FKBP5: variants seen among roughly 807,000 people sequenced by gnomAD.
FKBP5 encodes FKBP prolyl isomerase 5.
Under a neutral mutation model 50.5 loss-of-function variants are expected in FKBP5, and 23 were observed. The ratio of observed to expected loss-of-function variants is 0.46; its 90% confidence interval spans 0.33 to 0.65. FKBP5 has a LOEUF of 0.65. Ranked by LOEUF, FKBP5 falls within the 30% of genes least tolerant of loss-of-function variation. The probability of loss-of-function intolerance (pLI) is 0.02; values close to 1 mark genes in which losing one functional copy is unlikely to be tolerated. For synonymous variants in FKBP5, 176 were observed against 190.6 expected (o/e 0.92, Z 0.63); for missense variants, 411 against 553.1 (o/e 0.74, Z 2.58).
At position 35,606,520 on chromosome 6, in the gene FKBP5, C is replaced by T. The variant is rs71569303; in HGVS notation, c.509-9116G>A. ...AAAATATTTTAAAAAATTAGCCGGG[C>T]GTGGTGGTGGGCGCCTGTAGTCCCA... is the stretch of plus-strand genomic sequence containing the variant. On this transcript the variant is annotated intron_variant, in intron 5 of 10. Coordinates refer to ENST00000357266, the MANE Select transcript of FKBP5 (RefSeq NM_004117.4). Among the ~76,000 whole-genome samples the T allele has an allele frequency of 1.1e-4, 17 of 151,374 alleles. No individual in the cohort carries two copies. The South Asian group carries it at 2.5e-3, about 22-fold the overall frequency.
chr6:35,683,623 G>A lies in FKBP5; in HGVS notation c.-20+5181C>T, dbSNP rs1016102908. ...TGGGACTAAGGGCATGCACTGCCAT[G>A]ACTGGCTAATTTTTTTTTTTTTTTT... is the stretch of plus-strand genomic sequence containing the variant. On this transcript the variant is annotated intron_variant, in intron 1 of 10. Coordinates refer to ENST00000357266, the MANE Select transcript of FKBP5 (RefSeq NM_004117.4). 4.9e-5 allele frequency among the ~76,000 whole-genome samples: 7 copies of A among 144,004 alleles called. No individual in the cohort carries two copies. In the Admixed American group the frequency reaches 4.9e-4, roughly 10 times the overall value. 94.5% of individuals were successfully genotyped at this position (144,004 alleles called of 152,430 possible). A position where few individuals can be genotyped will look rare whatever the true frequency, so the allele number is the denominator to read the frequency against.
At chr6:35,600,932 T>C (rs188807331) in intron 5 of FKBP5, among the ~76,000 whole-genome samples, 209 of 152,294 alleles carry the variant, frequency 1.4e-3, no homozygotes, top group African/African-American at 4.4e-3. Context: ...GGGAAAAAGA[T>C]TGGCTACTAA....
At chr6:35,636,145 C>T (rs1027631216) in intron 3 of FKBP5, among the ~76,000 whole-genome samples, 3 of 152,166 alleles carry the variant, frequency 2.0e-5, no homozygotes, top group Non-Finnish European at 4.4e-5. Context: ...CAAATGTGGA[C>T]ACATTTCATT....
intron 5 of FKBP5, among the ~76,000 whole-genome samples, chr6:35,601,342 T>C (rs16878806): frequency 0.072 from 10,945 of 152,236 alleles, 781 homozygotes; most frequent in African/African-American, 0.19. Context: ...TACAGCCCAT[T>C]GATTCTCTAC....
At chr6:35,656,930 A>T (rs1056068439) in intron 1 of FKBP5, among the ~76,000 whole-genome samples, 1 of 149,154 alleles carries the variant, frequency 6.7e-6, no homozygotes, top group African/African-American at 2.5e-5. Flanking sequence ...AAAGAAAAAA[A>T]GCCGGGCACG....
chr6:35,641,061 T>C (rs1446882303), intron 2 of FKBP5, among the ~76,000 whole-genome samples: 1 of 152,190 alleles, frequency 6.6e-6, no homozygotes, highest in Non-Finnish European at 1.5e-5. Context: ...TCACTGCAGC[T>C]TGGAACTCCC....
chr6:35,724,004 G>A (rs1472144417), intron 1 of FKBP5, among the ~76,000 whole-genome samples: 6 of 152,242 alleles, frequency 3.9e-5, no homozygotes, highest in African/African-American at 9.6e-5. Flanking sequence ...GCAGGAAAGC[G>A]AGTCTGATTC....
intron 1 of FKBP5, among the ~76,000 whole-genome samples, chr6:35,673,927 C>T (rs902319508): frequency 2.0e-5 from 3 of 152,164 alleles, no homozygotes; most frequent in African/African-American, 7.2e-5. Flanking sequence ...CCTGCTCATT[C>T]GGTAGCTGTG....
At chr6:35,705,739 C>T (rs1766296366) in intron 2 of FKBP5, among the ~76,000 whole-genome samples, 1 of 152,076 alleles carries the variant, frequency 6.6e-6, no homozygotes, top group Non-Finnish European at 1.5e-5. Flanking sequence ...TAGGTCCTTA[C>T]CTCATTTCTT....
chr6:35,640,073 A>G (rs1764434994), intron 2 of FKBP5, among the ~76,000 whole-genome samples: 1 of 152,230 alleles, frequency 6.6e-6, no homozygotes, highest in Non-Finnish European at 1.5e-5. Context: ...AACAAAAGAA[A>G]TGCACGTGAA....
chr6:35,656,886 A>T (rs1764965036), intron 1 of FKBP5, among the ~76,000 whole-genome samples: 1 of 103,224 alleles, frequency 9.7e-6, no homozygotes, highest in African/African-American at 4.0e-5. Flanking sequence ...AAACAGCAAG[A>T]CTCCGTCTCA....
At chr6:35,701,946 C>T (rs949164069) in intron 2 of FKBP5, among the ~76,000 whole-genome samples, 5 of 151,992 alleles carry the variant, frequency 3.3e-5, no homozygotes, top group Non-Finnish European at 7.4e-5. Flanking sequence ...CTCCCAGGCT[C>T]AAGCAATTCT....
intron 1 of FKBP5, among the ~76,000 whole-genome samples, chr6:35,670,193 G>A (rs978161474): frequency 9.2e-5 from 14 of 152,164 alleles, no homozygotes; most frequent in African/African-American, 3.4e-4. Flanking sequence ...GGTTCTAAAA[G>A]GTATCTTTGC....
chr6:35,679,607 A>C (rs1163216267), intron 1 of FKBP5, among the ~76,000 whole-genome samples: 1 of 152,252 alleles, frequency 6.6e-6, no homozygotes, highest in East Asian at 1.9e-4. Context: ...AAGGAATGAA[A>C]TAATGTCTTT....
intron 2 of FKBP5, among the ~76,000 whole-genome samples, chr6:35,710,110 A>C (rs1346530480): frequency 1.3e-5 from 2 of 152,194 alleles, no homozygotes; most frequent in African/African-American, 4.8e-5. Context: ...AAGGGGCAGG[A>C]AGAGTAGCTT....
chr6:35,699,199 G>T (rs1197741269), intron 2 of FKBP5, among the ~76,000 whole-genome samples: 1 of 152,136 alleles, frequency 6.6e-6, no homozygotes, highest in Admixed American at 6.5e-5. Flanking sequence ...TCTCCACATG[G>T]GCTCTCCATG....
rs200202610 is a variant in FKBP5 at position 35,677,788 on chromosome 6, T to A, written c.-20+11016A>T. On this transcript the variant is annotated intron_variant, in intron 1 of 10. Coordinates refer to ENST00000357266, the MANE Select transcript of FKBP5 (RefSeq NM_004117.4). ...GGCTGACTGAAGCCTTTTTTTTTTT[T>A]AATTTAATTTTTAAAAACAGAGGCT... Among the ~76,000 whole-genome samples, 16 of 152,030 alleles carry A rather than the reference T, an allele frequency of 1.1e-4. No homozygotes were observed. The Middle Eastern group carries it at 0.01, about 97-fold the overall frequency.
At chr6:35,641,715 C>A (rs1764495428) in intron 2 of FKBP5, among the ~76,000 whole-genome samples, 1 of 152,064 alleles carries the variant, frequency 6.6e-6, no homozygotes, top group Non-Finnish European at 1.5e-5. Flanking sequence ...TAAAAATAAA[C>A]CCCTTTGGGC....
At chr6:35,699,168 T>G (rs1766134951) in intron 2 of FKBP5, among the ~76,000 whole-genome samples, 1 of 152,170 alleles carries the variant, frequency 6.6e-6, no homozygotes, top group Non-Finnish European at 1.5e-5. Context: ...AGCTGTGATG[T>G]TGGCAAGGGT....
Sources: allele counts gnomAD v4.1 joint callset (sites outside exome capture counted in the v4.1 genomes callset), GRCh38; gene constraint gnomAD v4.1.1; transcripts MANE v1.5; gene names NCBI Gene and HGNC (gene_info 2026-07-23, HGNC 2026-07-21).